MAP3K21: variants seen among roughly 807,000 people sequenced by gnomAD.
MAP3K21 encodes the protein mitogen-activated protein kinase kinase kinase MLK4.
In MAP3K21, 63 loss-of-function variants were observed where a neutral mutation model predicts 86.1. The ratio of observed to expected loss-of-function variants is 0.73; its 90% CI spans 0.60 to 0.90. The LOEUF is 0.90. Ranked by LOEUF, MAP3K21 falls within the 40% of genes least tolerant of loss-of-function variation. The probability of loss-of-function intolerance (pLI) is 0.00; values close to 1 mark genes in which losing one functional copy is unlikely to be tolerated. For synonymous variants in MAP3K21, 558 were observed against 564.8 expected (o/e 0.99, Z 0.17); for missense variants, 1,220 against 1,367.7 (o/e 0.89, Z 1.70).
In MAP3K21 at chr1:233,376,575, C is replaced by T. The variant is rs1167688837; in HGVS notation, c.1924+48C>T. On this transcript the variant is annotated intron_variant, in intron 8 of 9. Coordinates refer to ENST00000366624, the MANE Select transcript of MAP3K21 (RefSeq NM_032435.3). ...GATTTGCTTGAGCAGTCCTTGGCAT[C>T]TGATTGTGCTGAAGCTTTGCTTTTA... The T allele has an allele frequency of 3.0e-6, 4 of 1,315,916 alleles. No individual in the cohort carries two copies. The African/African-American group carries it at 4.4e-5, about 15-fold the overall frequency. The allele number at this position is 1,315,916 out of a possible 1,614,324, so 81.5% of individuals were successfully genotyped here. A position where few individuals can be genotyped will look rare whatever the true frequency, so the allele number is the denominator to read the frequency against.
chr1:233,345,721 CAAAGTATAATAATAATAA>C (rs2102763244), intron 1 of MAP3K21, among the ~76,000 whole-genome samples: 1 of 107,906 alleles, frequency 9.3e-6, no homozygotes, highest in African/African-American at 3.6e-5. Flanking sequence ...CCCTAGAACT[CAAAGTATAATAATAATAA>C]TAATAATAAT....
At chr1:233,363,307 A>G (rs1163671786) in intron 5 of MAP3K21, among the ~76,000 whole-genome samples, 1 of 152,224 alleles carries the variant, frequency 6.6e-6, no homozygotes, top group East Asian at 1.9e-4. Context: ...GTGTGTATAA[A>G]TTGCCTTATA....
At chr1:233,341,125 G>C (rs1663032840) in intron 1 of MAP3K21, among the ~76,000 whole-genome samples, 1 of 152,106 alleles carries the variant, frequency 6.6e-6, no homozygotes, top group South Asian at 2.1e-4. Context: ...CACAGGAAAG[G>C]GTGCTCAAAC....
chr1:233,380,098 A>G (rs1265982687), intron 9 of MAP3K21, among the ~76,000 whole-genome samples: 4 of 152,168 alleles, frequency 2.6e-5, no homozygotes, highest in Admixed American at 2.6e-4. Context: ...ACTGCTGTAC[A>G]TGTCATTGTT....
intron 3 of MAP3K21, among the ~76,000 whole-genome samples, chr1:233,354,597 G>A (rs10910134): frequency 0.23 from 34,891 of 152,048 alleles, 4,196 homozygotes; most frequent in Admixed American, 0.33. Flanking sequence ...AATATAGACA[G>A]CAACAGCCTT....
At position 233,376,614 on chromosome 1, in the gene MAP3K21, T is replaced by C. The variant is rs1558463834; in HGVS notation, c.1924+87T>C. ...GCTTTGCTTTTACAGTCTTACGTGG[T>C]CATTAAAGTAGCAGAGGGGAGATTA... is the stretch of plus-strand genomic sequence containing the variant. On this transcript the variant is annotated intron_variant, in intron 8 of 9. Transcript: ENST00000366624. 5 of 846,332 alleles carry C rather than the reference T, an allele frequency of 5.9e-6. No individual in the cohort carries two copies. The South Asian group carries it at 6.4e-5, about 11-fold the overall frequency. The allele number at this position is 846,332 out of a possible 1,614,324, so 52.4% of individuals were successfully genotyped here.
At chr1:233,363,519 G>A (rs567055299) in intron 5 of MAP3K21, among the ~76,000 whole-genome samples, 4 of 152,026 alleles carry the variant, frequency 2.6e-5, no homozygotes, top group Non-Finnish European at 4.4e-5. Flanking sequence ...CCAACATGGT[G>A]AAACCCCCTC....
At chr1:233,380,592 A>G (rs1359964100) in intron 9 of MAP3K21, among the ~76,000 whole-genome samples, 1 of 152,242 alleles carries the variant, frequency 6.6e-6, no homozygotes, top group African/African-American at 2.4e-5. Flanking sequence ...GTTTATGTCC[A>G]GATGTGGAAT....
intron 2 of MAP3K21, among the ~76,000 whole-genome samples, chr1:233,352,632 T>C (rs1316347226): frequency 1.3e-5 from 2 of 152,152 alleles, no homozygotes; most frequent in South Asian, 2.1e-4. Flanking sequence ...GGTTTCACCA[T>C]GCTGGCCAAG....
At chr1:233,364,056 G>A (rs1280644893) in intron 5 of MAP3K21, among the ~76,000 whole-genome samples, 1 of 152,094 alleles carries the variant, frequency 6.6e-6, no homozygotes, top group African/African-American at 2.4e-5. Flanking sequence ...CTAGTATGAG[G>A]TGGTCATCAT....
intron 1 of MAP3K21, among the ~76,000 whole-genome samples, chr1:233,339,252 CTTCTTCTTCTTCTTCCTCT>C (rs1662974488): frequency 4.3e-5 from 3 of 69,696 alleles, no homozygotes; most frequent in African/African-American, 6.0e-5. Context: ...TCTTCTTCTT[CTTCTTCTTCTTCTTCCTCT>C]TCTTCTTCTT....
intron 1 of MAP3K21, among the ~76,000 whole-genome samples, chr1:233,336,126 C>T (rs1369456796): frequency 6.6e-6 from 1 of 152,154 alleles, no homozygotes; most frequent in Non-Finnish European, 1.5e-5. Flanking sequence ...ACATGTTCTG[C>T]CTCATTTTTG....
At chr1:233,348,762 T>C (rs982123633) in intron 2 of MAP3K21, among the ~76,000 whole-genome samples, 2 of 152,162 alleles carry the variant, frequency 1.3e-5, no homozygotes, top group African/African-American at 4.8e-5. Context: ...TTTCCCTTTT[T>C]TTACATAAAA....
chr1:233,384,151 C>T lies in MAP3K21; in HGVS notation c.*1440C>T, dbSNP rs1315643225. 1.3e-5 allele frequency: 2 copies of T among 152,026 alleles called. No homozygotes were observed. The highest frequency in any genetic ancestry group is 3.8e-4 in the East Asian group (2 of 5,200). 9.4% of individuals were successfully genotyped at this position (152,026 alleles called of 1,614,324 possible). On this transcript the variant is annotated 3_prime_UTR_variant, in exon 10 of 10. Transcript: ENST00000366624. Reference sequence around the variant, plus strand: ...GCTTGATATTTCATTTAAAATTGCACCTTGCTTAAGGTTTACTGAATAACT... The same window carrying T: ...GCTTGATATTTCATTTAAAATTGCATCTTGCTTAAGGTTTACTGAATAACT...
In MAP3K21 at chr1:233,363,460, A is replaced by G. The variant is rs58625440; in HGVS notation, c.1552+1167A>G. Among the ~76,000 whole-genome samples the G allele has an allele frequency of 5.8e-3, 886 of 152,146 alleles. 11 individuals are homozygous for G. Among genetic ancestry groups the G allele is most frequent in the African/African-American group, 0.021 (857 of 41,514 alleles). ...TGCCTGTAATCGCGGCACTTTGGTT[A>G]GCTGAGGTGGGTGGATCACCTGAGG... On this transcript the variant is annotated intron_variant, in intron 5 of 9. Coordinates refer to ENST00000366624, the MANE Select transcript of MAP3K21 (RefSeq NM_032435.3).
In MAP3K21 at chr1:233,372,086, G is replaced by A. The variant is rs781171520; in HGVS notation, c.1601G>A (p.Arg534Gln). Residue 534 changes from arginine (R) to glutamine (Q), a missense_variant, in exon 6 of 10, where the codon CGG (arginine) becomes CAG (glutamine). Transcript: ENST00000366624. ...TVQASPNLDK[R>Q]RSLNSSSSSP... Reference sequence around the variant, plus strand: ...CAGGCCTCTCCCAACTTGGACAAACGGCGGAGCCTGAACAGCAGCAGTTCC... The same window carrying A: ...CAGGCCTCTCCCAACTTGGACAAACAGCGGAGCCTGAACAGCAGCAGTTCC... The A allele has an allele frequency of 6.2e-7, 1 of 1,614,098 alleles. No homozygotes were observed. The highest frequency in any genetic ancestry group is 8.5e-7 in the Non-Finnish European group (1 of 1,179,994).
chr1:233,328,508 C>A lies in MAP3K21; in HGVS notation c.480C>A (p.Asp160Glu). Residue 160 changes from aspartate to glutamate, a missense_variant, in exon 1 of 10, where the codon GAC becomes GAA. Around this residue, in one of 5 missense-constraint regions of MAP3K21, gnomAD observed 369 missense variants for 385.3 expected, o/e 0.96. Transcript: ENST00000366624. The surrounding 1 kb of genome is among the most constrained non-coding windows in gnomAD (Gnocchi z 8.7). ...VKAARQDPEQDAAAAAESVRR... is the reference protein window; with the variant it reads ...VKAARQDPEQEAAAAAESVRR... The stretch of plus-strand genomic sequence containing the variant: ...CGGCGCGCCAGGACCCGGAGCAGGA[C>A]GCGGCGGCGGCTGCCGAGAGCGTGC... 2 of 1,525,316 alleles carry A rather than the reference C, an allele frequency of 1.3e-6. No individual in the cohort carries two copies. Among genetic ancestry groups the A allele is most frequent in the Admixed American group, 2.0e-5 (1 of 51,022 alleles). 94.5% of individuals were successfully genotyped at this position (1,525,316 alleles called of 1,614,324 possible).
chr1:233,338,343 C>T (rs1166963010), intron 1 of MAP3K21, among the ~76,000 whole-genome samples: 1 of 152,202 alleles, frequency 6.6e-6, no homozygotes, highest in Non-Finnish European at 1.5e-5. Context: ...CGGAACTCTC[C>T]TAGGCGCTTG....
At chr1:233,380,371 C>G (rs1267920889) in intron 9 of MAP3K21, among the ~76,000 whole-genome samples, 1 of 152,144 alleles carries the variant, frequency 6.6e-6, no homozygotes, top group Non-Finnish European at 1.5e-5. Context: ...GTCCTAATCT[C>G]TTTTTAGGAC....
Sources: gnomAD v4.1 joint callset for allele counts (sites outside exome capture counted in the v4.1 genomes callset) on GRCh38, gnomAD v4.1.1 for gene constraint, gnomAD v4.1.1 regional missense constraint, Gnocchi (gnomAD v3.1) non-coding constraint, MANE v1.5 for transcripts, NCBI Gene and HGNC (gene_info 2026-07-23, HGNC 2026-07-21) for gene names.